Variants in ANK2 observed in about 807,000 individuals in gnomAD.
ANK2 encodes the protein ankyrin-2.
In ANK2, 83 loss-of-function variants were observed where a neutral mutation model predicts 360.5. That is an observed-to-expected ratio of 0.23 (90% CI 0.19 to 0.28). ANK2 has a LOEUF of 0.28. ANK2 is among the 10% of genes least tolerant of loss of function. ANK2 has a pLI of 1.00. For synonymous variants in ANK2, 1,740 were observed against 1,759.5 expected (o/e 0.99, Z 0.28); for missense variants, 4,201 against 4,795.7 (o/e 0.88, Z 3.66).
chr4:113,348,324 T>G lies in ANK2; in HGVS notation c.4404+16T>G. The G allele has an allele frequency of 6.2e-7, 1 of 1,612,264 alleles. No individual in the cohort carries two copies. Among genetic ancestry groups the G allele is most frequent in the African/African-American group, 1.3e-5 (1 of 74,960 alleles). On this transcript the variant is annotated intron_variant, in intron 36 of 45. Coordinates refer to ENST00000357077, the MANE Select transcript of ANK2 (RefSeq NM_001148.6). ...GGAGGAAGAGGTAATTTTATGACAG[T>G]GTCACTTGTTATCGGCTGTGTCATT...
In ANK2 at chr4:113,336,743, G is replaced by A; in HGVS notation, c.3758G>A (p.Gly1253Glu). Residue 1253 changes from glycine to glutamate, a missense_variant, in exon 31 of 46, where the codon GGA (glycine) becomes GAA (glutamate). By Grantham distance (98) the Gly-to-Glu change is moderately conservative. Coordinates refer to ENST00000357077, the MANE Select transcript of ANK2 (RefSeq NM_001148.6). ...SSDVMLNGFGGDAPTLRLLCS... is the reference protein window; with the variant it reads ...SSDVMLNGFGEDAPTLRLLCS... The stretch of plus-strand genomic sequence containing the variant: ...GATGTCATGTTGAATGGTTTTGGGG[G>A]AGATGCACCAACCTTAAGATTACTA... 1 of 1,614,102 alleles carries A rather than the reference G, an allele frequency of 6.2e-7. No homozygotes were observed. Among genetic ancestry groups the A allele is most frequent in the Non-Finnish European group, 8.5e-7 (1 of 1,180,008 alleles).
chr4:113,252,501 T>C (rs189318685), intron 10 of ANK2, among the ~76,000 whole-genome samples: 21 of 152,346 alleles, frequency 1.4e-4, no homozygotes, highest in Non-Finnish European at 2.5e-4. Flanking sequence ...TTATTCTTGC[T>C]GACTTTAATG....
At chr4:113,271,893 T>C (rs29404) in intron 14 of ANK2, among the ~76,000 whole-genome samples, 5,420 of 152,246 alleles carry the variant, frequency 0.036, 117 homozygotes, top group East Asian at 0.069. Context: ...AGGAAGGTCC[T>C]TCCTTGTCCA....
chr4:113,072,484 C>A (rs1330231283), intron 1 of ANK2, among the ~76,000 whole-genome samples: 2 of 152,158 alleles, frequency 1.3e-5, no homozygotes, highest in African/African-American at 4.8e-5. Flanking sequence ...TCTCTTCCTG[C>A]CGGACTGGTC....
At chr4:112,933,546 G>C (rs1372548076) in intron 2 of ANK2, among the ~76,000 whole-genome samples, 4 of 151,728 alleles carry the variant, frequency 2.6e-5, no homozygotes, top group African/African-American at 7.3e-5. Flanking sequence ...TGTTGCCCAG[G>C]CTGGAGTGCA....
chr4:112,775,538 C>CACACACACACACACACACACACACAG, the ANK2 span, among the ~76,000 whole-genome samples: 1 of 151,626 alleles, frequency 6.6e-6, no homozygotes, highest in South Asian at 2.1e-4. Flanking sequence ...CACACACACA[C>CACACACACACACACACACACACACAG]ACACACAAGA....
the ANK2 span, among the ~76,000 whole-genome samples, chr4:112,707,164 C>T: frequency 1.3e-4 from 20 of 152,180 alleles, no homozygotes; most frequent in African/African-American, 4.6e-4. Flanking sequence ...TGAATACTAT[C>T]TGTGCAGGAA....
chr4:113,369,168 T>C (rs1207200245), intron 42 of ANK2, among the ~76,000 whole-genome samples: 4 of 152,192 alleles, frequency 2.6e-5, no homozygotes, highest in African/African-American at 9.7e-5. Flanking sequence ...CAAATACTTA[T>C]GTAAAATTCC....
chr4:112,984,262 T>G (rs1488493397), intron 2 of ANK2, among the ~76,000 whole-genome samples: 1 of 152,224 alleles, frequency 6.6e-6, no homozygotes, highest in Non-Finnish European at 1.5e-5. Flanking sequence ...GTTTTCACGC[T>G]GCTGATAAAG....
At chr4:112,827,174 G>A (rs1454158728) in intron 1 of ANK2, 6 of 1,151,894 alleles carry the variant, frequency 5.2e-6, no homozygotes, top group East Asian at 2.3e-5. Flanking sequence ...TACATCCTGT[G>A]TAGTGATACC....
At chr4:113,342,349 A>G (rs961530167) in intron 33 of ANK2, among the ~76,000 whole-genome samples, 2 of 152,134 alleles carry the variant, frequency 1.3e-5, no homozygotes, top group African/African-American at 4.8e-5. Context: ...AGAATTTTCC[A>G]TCAGTGTAGG....
intron 45 of ANK2, among the ~76,000 whole-genome samples, chr4:113,378,650 CAT>C (rs1018675879): frequency 3.9e-5 from 6 of 152,198 alleles, no homozygotes; most frequent in African/African-American, 1.4e-4. Context: ...TGGCCAATAA[CAT>C]AAGCATGAGT....
At chr4:112,797,674 AAT>A in the ANK2 span, 1 of 173,348 alleles carries the variant, frequency 5.8e-6, no homozygotes, top group East Asian at 1.5e-4. Flanking sequence ...CAAACGACCT[AAT>A]AACAATAAGT....
At chr4:112,963,433 G>A (rs1321934031) in intron 2 of ANK2, among the ~76,000 whole-genome samples, 1 of 152,160 alleles carries the variant, frequency 6.6e-6, no homozygotes. Context: ...CTTAGGTTGA[G>A]TGGGTTTGGT....
intron 1 of ANK2, among the ~76,000 whole-genome samples, chr4:112,846,504 A>G (rs184780971): frequency 1.3e-5 from 2 of 151,826 alleles, no homozygotes; most frequent in East Asian, 3.9e-4. Context: ...CTTCTTTTTA[A>G]TCTCCATCTT....
chr4:112,958,504 G>T (rs1157176708), intron 2 of ANK2, among the ~76,000 whole-genome samples: 1 of 152,190 alleles, frequency 6.6e-6, no homozygotes, highest in African/African-American at 2.4e-5. Context: ...TGAGGCAGGA[G>T]AATCAGGCAG....
chr4:112,841,963 C>T (rs932277511), intron 1 of ANK2, among the ~76,000 whole-genome samples: 4 of 151,902 alleles, frequency 2.6e-5, no homozygotes, highest in African/African-American at 4.8e-5. Flanking sequence ...TAGAAGAAGA[C>T]GTCTTTGAAG....
rs41322344 is a variant in ANK2 at position 112,823,226 on chromosome 4, A to T, written c.-40+4962A>T. ...CCTGGATATGCAATAGTCAGTTTCT[A>T]CTGGTTGAGTGAGGGTATCTCTTCA... On this transcript the variant is annotated intron_variant, in intron 1 of 30. Coordinates refer to the ANK2 transcript ENST00000503271. Among the ~76,000 whole-genome samples, 267 of 152,290 alleles carry T rather than the reference A, an allele frequency of 1.8e-3. 8 individuals carry two copies. The East Asian group carries it at 0.043, about 24-fold the overall frequency.
chr4:113,035,171 T>C (rs1235277582), intron 2 of ANK2, among the ~76,000 whole-genome samples: 2 of 151,840 alleles, frequency 1.3e-5, no homozygotes, highest in Non-Finnish European at 2.9e-5. Context: ...AGGTACCTTT[T>C]TTTTTTTTGG....
Sources: allele counts gnomAD v4.1 joint callset (sites outside exome capture counted in the v4.1 genomes callset), GRCh38; gene constraint gnomAD v4.1.1; transcripts MANE v1.5; gene names NCBI Gene and HGNC (gene_info 2026-07-23, HGNC 2026-07-21).